The following PPP1R14C variants were observed in gnomAD, a reference collection of about 807,000 sequenced individuals.
PPP1R14C encodes protein phosphatase 1 regulatory inhibitor subunit 14C, also known as protein phosphatase 1 regulatory subunit 14C.
PPP1R14C carries 16 observed loss-of-function variants against 20.4 expected under a neutral mutation model. The ratio of observed to expected loss-of-function variants is 0.78; its 90% CI spans 0.53 to 1.19. The LOEUF (loss-of-function observed/expected upper bound fraction) is 1.19, where lower values mean the gene tolerates loss of function less well. Ranked by LOEUF, PPP1R14C falls within the 50% of genes most tolerant of loss-of-function variation. The pLI is 0.00. For synonymous variants in PPP1R14C, 91 were observed against 91.0 expected, an observed-to-expected ratio of 1.00 and a Z score of 0.00; for missense variants, 211 against 220.1, an observed-to-expected ratio of 0.96 and a Z score of 0.26.
chr6:150,187,896 A>G (rs966087463), intron 1 of PPP1R14C, among the ~76,000 whole-genome samples: 10 of 152,202 alleles, frequency 6.6e-5, no homozygotes, highest in Admixed American at 2.0e-4. Flanking sequence ...ACTTCTTGGC[A>G]TGATTTGTAT....
At chr6:150,245,231 A>G (rs914852196) in intron 3 of PPP1R14C, among the ~76,000 whole-genome samples, 1 of 152,154 alleles carries the variant, frequency 6.6e-6, no homozygotes, top group Admixed American at 6.5e-5. Context: ...TTCTATCAAC[A>G]TACTCTAAGC....
intron 3 of PPP1R14C, among the ~76,000 whole-genome samples, chr6:150,235,143 A>C (rs1182007044): frequency 1.3e-5 from 2 of 152,218 alleles, no homozygotes; most frequent in Non-Finnish European, 2.9e-5. Flanking sequence ...GCTGGAGTGC[A>C]GGAGCACGAT....
intron 1 of PPP1R14C, among the ~76,000 whole-genome samples, chr6:150,153,228 A>G (rs1777270474): frequency 6.6e-6 from 1 of 152,218 alleles, no homozygotes; most frequent in Non-Finnish European, 1.5e-5. Context: ...CATTTCAGAA[A>G]TGTGTTCCCA....
At position 150,185,452 on chromosome 6, in the gene PPP1R14C, G is replaced by T. The variant is rs368212824; in HGVS notation, c.307-29292G>T. Among the ~76,000 whole-genome samples the T allele has an allele frequency of 9.9e-5, 15 of 152,216 alleles. No individual in the cohort carries two copies. Among genetic ancestry groups the T allele is most frequent in the African/African-American group, 3.6e-4 (15 of 41,538 alleles). On this transcript the variant is annotated intron_variant, in intron 1 of 3. Transcript: ENST00000361131. This position sits in a 1 kb window ranked among gnomAD's most constrained non-coding sequence, Gnocchi z 4.1. Reference sequence around the variant, plus strand: ...GGGGACCATCCTTGCATTAACCACAGGAATTTCCAGCAACAGTCCACTACC... The same window carrying T: ...GGGGACCATCCTTGCATTAACCACATGAATTTCCAGCAACAGTCCACTACC...
chr6:150,143,473 A>C lies in PPP1R14C; in HGVS notation c.281A>C (p.Gln94Pro). The C allele has an allele frequency of 6.3e-7, 1 of 1,581,194 alleles. No individual in the cohort carries two copies. Among genetic ancestry groups the C allele is most frequent in the East Asian group, 2.4e-5 (1 of 42,480 alleles). Residue 94 changes from glutamine (Q) to proline (P), a missense_variant, in exon 1 of 4, where the codon CAG becomes CCG. By Grantham distance (76) the Gln-to-Pro change is moderately conservative (BLOSUM62 -1). Transcript: ENST00000361131. The surrounding 1 kb of genome is among the most constrained non-coding windows in gnomAD (Gnocchi z 5.6). ...RLVLEEWIVE[Q>P]LGQLYGCEEE... ...GTGCTGGAGGAATGGATCGTGGAGC[A>C]GCTGGGTCAGCTCTACGGCTGCGAG... is the stretch of plus-strand genomic sequence containing the variant.
chr6:150,156,564 G>T (rs6557340), intron 1 of PPP1R14C, among the ~76,000 whole-genome samples: 36,833 of 152,150 alleles, frequency 0.24, 4,759 homozygotes, highest in South Asian at 0.38. Context: ...TTTCAGATTG[G>T]CAGAGATAGC....
chr6:150,244,455 C>G (rs1283305188), intron 3 of PPP1R14C, among the ~76,000 whole-genome samples: 1 of 152,180 alleles, frequency 6.6e-6, no homozygotes, highest in East Asian at 1.9e-4. Context: ...ACCTTTGACC[C>G]TATCTTCCTC....
chr6:150,143,253 G>T lies in PPP1R14C; in HGVS notation c.61G>T (p.Val21Phe). The T allele has an allele frequency of 6.9e-7, 1 of 1,445,412 alleles. No homozygotes were observed. The highest frequency in any genetic ancestry group is 9.0e-7 in the Non-Finnish European group (1 of 1,111,216). 89.5% of individuals were successfully genotyped at this position (1,445,412 alleles called of 1,614,324 possible). ...CGGGGCCAGCGGCGGCGGCGCACGG[G>T]TTTTCTTCCAAAGCCCCCGGGGTGG... Reference protein sequence around the residue: ...AGGASGGGARVFFQSPRGGAG... With the variant: ...AGGASGGGARFFFQSPRGGAG... The change falls in exon 1 of 4, where the codon GTT becomes TTT. Residue 21 changes from valine (V) to phenylalanine (F), a missense_variant. Coordinates refer to ENST00000361131, the MANE Select transcript of PPP1R14C (RefSeq NM_030949.3). This position sits in a 1 kb window ranked among gnomAD's most constrained non-coding sequence, Gnocchi z 5.6.
At chr6:150,150,700 C>T (rs142456847) in intron 1 of PPP1R14C, among the ~76,000 whole-genome samples, 1,588 of 152,226 alleles carry the variant, frequency 0.01, 14 homozygotes, top group Non-Finnish European at 0.017. Flanking sequence ...TTCAAGGCAC[C>T]TCTTCTGTTC....
At chr6:150,179,013 C>T (rs1777592328) in intron 1 of PPP1R14C, among the ~76,000 whole-genome samples, 1 of 152,182 alleles carries the variant, frequency 6.6e-6, no homozygotes, top group African/African-American at 2.4e-5. Flanking sequence ...TTTTCGAAGC[C>T]TGTTCTACTT....
chr6:150,194,688 A>G, intron 1 of PPP1R14C: 1 of 985,448 alleles, frequency 1.0e-6, no homozygotes, highest in Non-Finnish European at 1.2e-6. Context: ...GTCCTTGGTG[A>G]ATCTGATAAA....
chr6:150,154,509 C>A (rs1007936523), intron 1 of PPP1R14C, among the ~76,000 whole-genome samples: 17 of 152,214 alleles, frequency 1.1e-4, no homozygotes, highest in Admixed American at 1.1e-3. Context: ...CTGGGACTTT[C>A]TAGCTCTAAC....
chr6:150,193,981 G>A (rs1777774925), intron 1 of PPP1R14C, among the ~76,000 whole-genome samples: 1 of 152,130 alleles, frequency 6.6e-6, no homozygotes, highest in Non-Finnish European at 1.5e-5. Context: ...ATTGAATCAT[G>A]GGGGGCGGTT....
At chr6:150,166,402 T>C (rs945741210) in intron 1 of PPP1R14C, among the ~76,000 whole-genome samples, 10 of 152,128 alleles carry the variant, frequency 6.6e-5, no homozygotes, top group Non-Finnish European at 1.3e-4. Flanking sequence ...TCTTGGTAAC[T>C]GCCCTCTGGG....
At chr6:150,162,505 T>C (rs1777381107) in intron 1 of PPP1R14C, among the ~76,000 whole-genome samples, 1 of 141,366 alleles carries the variant, frequency 7.1e-6, no homozygotes, top group Non-Finnish European at 1.5e-5. Context: ...GATTCATCCG[T>C]GGTTTTTTTG....
intron 3 of PPP1R14C, among the ~76,000 whole-genome samples, chr6:150,217,793 T>TAAAC (rs1289355564): frequency 1.2e-4 from 18 of 152,188 alleles, no homozygotes; most frequent in Admixed American, 2.0e-4. Context: ...GAAGTCTGTT[T>TAAAC]GTAACATCAA....
chr6:150,199,910 T>TTTGTATTTTGTTAGAGCAGTGCAGA (rs1294085465), intron 1 of PPP1R14C, among the ~76,000 whole-genome samples: 1 of 152,028 alleles, frequency 6.6e-6, no homozygotes, highest in Admixed American at 6.6e-5. Flanking sequence ...TACCCAGCCT[T>TTTGTATTTTGTTAGAGCAGTGCAGA]TTGTATTTTG....
intron 1 of PPP1R14C, among the ~76,000 whole-genome samples, chr6:150,169,871 A>C (rs1264582989): frequency 6.6e-6 from 1 of 152,198 alleles, no homozygotes; most frequent in Non-Finnish European, 1.5e-5. Flanking sequence ...TGGCAAACTT[A>C]GGGCCTGAGT....
intron 3 of PPP1R14C, among the ~76,000 whole-genome samples, chr6:150,219,566 A>G (rs1778142175): frequency 6.7e-6 from 1 of 150,154 alleles, no homozygotes; most frequent in Non-Finnish European, 1.5e-5. Context: ...TTTTTGTTGA[A>G]CTCTCCAGTG....
Sources: allele counts gnomAD v4.1 joint callset (sites outside exome capture counted in the v4.1 genomes callset), GRCh38; gene constraint gnomAD v4.1.1; non-coding constraint Gnocchi (gnomAD v3.1); transcripts MANE v1.5; gene names NCBI Gene and HGNC (gene_info 2026-07-23, HGNC 2026-07-21).